Variants in TLN2 observed in about 807,000 individuals in gnomAD.
The protein encoded by TLN2 is talin-2.
A neutral mutation model predicts 294.7 loss-of-function variants in TLN2; 118 were observed. The observed-to-expected ratio is 0.40, with a 90% CI of 0.34 to 0.47. The LOEUF (loss-of-function observed/expected upper bound fraction) is 0.47. Among genes scored for constraint, TLN2 ranks in the 20% least tolerant of loss-of-function variants. The pLI is 0.84. For missense variants in TLN2, 3,083 were observed against 3,282.2 expected (o/e 0.94, Z 1.48); for synonymous variants, 1,431 against 1,304.5 (o/e 1.10, Z -2.09).
At chr15:62,719,987 G>T in intron 25 of TLN2, 107 bp downstream of exon 25, 1 of 822,288 alleles carries the variant, frequency 1.2e-6, no homozygotes, top group Non-Finnish European at 1.8e-6. Context: ...CTAAGTCTTT[G>T]CGGTAGGCAG....
At chr15:62,674,314 C>T (rs2055865411) in intron 10 of TLN2, among the ~76,000 whole-genome samples, 1 of 152,102 alleles carries the variant, frequency 6.6e-6, no homozygotes. Flanking sequence ...TCTACGCAAC[C>T]AGTAAGAAAA....
chr15:62,606,863 G>A (rs533518335), intron 2 of TLN2, among the ~76,000 whole-genome samples: 5 of 152,068 alleles, frequency 3.3e-5, no homozygotes, highest in Admixed American at 6.5e-5. Flanking sequence ...CACCCTCCTC[G>A]CAGTGTTTGT....
intron 19 of TLN2, among the ~76,000 whole-genome samples, chr15:62,706,705 A>G (rs1306615853): frequency 1.3e-5 from 2 of 152,208 alleles, no homozygotes; most frequent in African/African-American, 4.8e-5. Flanking sequence ...CTTATGGCAC[A>G]TGATGTTGTG....
intron 12 of TLN2, among the ~76,000 whole-genome samples, chr15:62,691,046 GGGGGAGGGGGA>G (rs1181331725): frequency 6.9e-6 from 1 of 144,576 alleles, no homozygotes; most frequent in Non-Finnish European, 1.5e-5. Flanking sequence ...GAGAGGGAGA[GGGGGAGGGGGA>G]GGGGAGGGGG....
intron 54 of TLN2, among the ~76,000 whole-genome samples, chr15:62,821,459 T>TGGA (rs2067561442): frequency 6.6e-6 from 1 of 152,208 alleles, no homozygotes; most frequent in Non-Finnish European, 1.5e-5. Context: ...CCAATTTAGG[T>TGGA]ATACCTAAAA....
At chr15:62,673,762 C>G in intron 9 of TLN2, 65 bp from the exon 10 acceptor site, 3 of 1,305,114 alleles carry the variant, frequency 2.3e-6, no homozygotes, top group Non-Finnish European at 3.3e-6. Context: ...TATTAAATGT[C>G]TTTGCTTTGC....
intron 3 of TLN2, among the ~76,000 whole-genome samples, chr15:62,645,839 C>CTATT (rs1309419548): frequency 6.6e-6 from 1 of 152,178 alleles, no homozygotes; most frequent in African/African-American, 2.4e-5. Flanking sequence ...TAGCTACTAA[C>CTATT]TATAAAGGGC....
At position 62,797,102 on chromosome 15, in the gene TLN2, TCTC is replaced by T. The variant is rs1327443932; in HGVS notation, c.6051-116_6051-114del. On this transcript the variant is annotated intron_variant, in intron 47 of 58. Coordinates refer to ENST00000636159, the MANE Select transcript of TLN2 (RefSeq NM_015059.3). ...GTAAAGGGAGGTGTAACACAGCACT[TCTC>T]TTCTTCAAAGCCCTTTAACAAAAGC... 2.7e-6 allele frequency: 3 copies of T among 1,130,312 alleles called. No homozygotes were observed. In the African/African-American group the frequency reaches 4.7e-5, roughly 18 times the overall value. The allele number at this position is 1,130,312 out of a possible 1,614,324, so 70.0% of individuals were successfully genotyped here.
At chr15:62,820,458 G>A in intron 53 of TLN2, 28 bp from the exon 54 acceptor site, 1 of 1,612,210 alleles carries the variant, frequency 6.2e-7, no homozygotes, top group South Asian at 1.1e-5. Flanking sequence ...CAGCTATGAA[G>A]AATCACCTTC....
At chr15:62,839,046 A>C in intron 58 of TLN2, 65 bp downstream of exon 58, 2 of 1,483,992 alleles carry the variant, frequency 1.3e-6, no homozygotes, top group Non-Finnish European at 1.8e-6. Flanking sequence ...AACAGAGACA[A>C]AAGAATAGTG....
chr15:62,734,744 A>C (rs906781005), intron 28 of TLN2, among the ~76,000 whole-genome samples: 1 of 152,212 alleles, frequency 6.6e-6, no homozygotes, highest in African/African-American at 2.4e-5. Context: ...ATTAGATCGT[A>C]GTTTTATATC....
intron 1 of TLN2, among the ~76,000 whole-genome samples, chr15:62,468,520 C>T (rs1019125779): frequency 1.2e-4 from 18 of 152,008 alleles, no homozygotes; most frequent in African/African-American, 3.9e-4. Flanking sequence ...CCAAGGCAGG[C>T]GGATCACAGG....
chr15:62,641,972 A>G (rs1161609685), intron 3 of TLN2, among the ~76,000 whole-genome samples: 1 of 152,188 alleles, frequency 6.6e-6, no homozygotes, highest in Non-Finnish European at 1.5e-5. Flanking sequence ...AGCAGCCTGC[A>G]CTGCTGCCAT....
chr15:62,486,452 GTTTTTTTTTTT>G (rs34975634), intron 1 of TLN2, among the ~76,000 whole-genome samples: 31 of 93,292 alleles, frequency 3.3e-4, no homozygotes, highest in Non-Finnish European at 5.2e-4. Context: ...CAGTTCCTTT[GTTTTTTTTTTT>G]TTTTTTTTTT....
chr15:62,605,629 G>T (rs1227712926), intron 2 of TLN2, among the ~76,000 whole-genome samples: 1 of 143,550 alleles, frequency 7.0e-6, no homozygotes, highest in African/African-American at 2.5e-5. Flanking sequence ...TGACCTGCCA[G>T]CTCAGAACAC....
At chr15:62,406,709 A>G (rs926572400) in intron 1 of TLN2, among the ~76,000 whole-genome samples, 4 of 152,112 alleles carry the variant, frequency 2.6e-5, no homozygotes, top group African/African-American at 7.2e-5. Context: ...GGCATGTCCA[A>G]CTGAAAGTTG....
intron 40 of TLN2, 126 bp downstream of exon 40, chr15:62,763,821 C>G: frequency 7.4e-7 from 1 of 1,348,576 alleles, no homozygotes; most frequent in African/African-American, 1.5e-5. Context: ...CACCATTAGA[C>G]AGCCATTCTC....
At chr15:62,821,575 A>G (rs973437842) in intron 54 of TLN2, among the ~76,000 whole-genome samples, 2 of 152,244 alleles carry the variant, frequency 1.3e-5, no homozygotes, top group African/African-American at 4.8e-5. Flanking sequence ...ATAAACACAG[A>G]CTGAGTCTGT....
intron 3 of TLN2, among the ~76,000 whole-genome samples, chr15:62,625,952 G>A (rs1402416442): frequency 6.6e-6 from 1 of 152,128 alleles, no homozygotes; most frequent in Admixed American, 6.5e-5. Flanking sequence ...GTGGGGTAGG[G>A]CCTGAGTTCC....
Sources: allele counts gnomAD v4.1 joint callset (sites outside exome capture counted in the v4.1 genomes callset), GRCh38; gene constraint gnomAD v4.1.1; transcripts MANE v1.5; gene names NCBI Gene and HGNC (gene_info 2026-07-23, HGNC 2026-07-21).